The following SUMF1 variants were observed in gnomAD, a reference collection of about 807,000 sequenced individuals.
SUMF1 encodes formylglycine-generating enzyme.
SUMF1 carries 48 observed loss-of-function variants against 47.6 expected under a neutral mutation model. The observed-to-expected ratio is 1.01, with a 90% confidence interval of 0.80 to 1.28. The LOEUF is 1.28. SUMF1 is among the 50% of genes most tolerant of loss of function. The pLI, the probability that SUMF1 is intolerant of heterozygous loss-of-function variation, is 0.00. For synonymous variants in SUMF1, 230 were observed against 192.1 expected, an observed-to-expected ratio of 1.20 and a Z score of -1.63; for missense variants, 571 against 485.4, an observed-to-expected ratio of 1.18 and a Z score of -1.66.
chr3:4,303,253 C>G (rs960960935), intron 8 of SUMF1: 10 of 1,184,476 alleles, frequency 8.4e-6, no homozygotes, highest in South Asian at 1.8e-5. Flanking sequence ...CCAGGCCACT[C>G]CTGAGAAGAA....
intron 9 of SUMF1, among the ~76,000 whole-genome samples, chr3:4,051,426 C>T (rs543123298): frequency 1.4e-4 from 21 of 152,286 alleles, no homozygotes; most frequent in Admixed American, 3.9e-4. Flanking sequence ...TGCTCCTCTA[C>T]TGTCCACACT....
chr3:4,387,138 T>C (rs1046439078), intron 7 of SUMF1, among the ~76,000 whole-genome samples: 1 of 152,068 alleles, frequency 6.6e-6, no homozygotes, highest in African/African-American at 2.4e-5. Context: ...TCCCTTCTTT[T>C]CATTTTCTAA....
chr3:4,092,081 T>A (rs1006325054), intron 8 of SUMF1, among the ~76,000 whole-genome samples: 6 of 152,072 alleles, frequency 3.9e-5, no homozygotes, highest in African/African-American at 1.5e-4. Context: ...CTACTTGGCC[T>A]GATGTATTAT....
chr3:4,257,039 A>G (rs1194955397), intron 8 of SUMF1, among the ~76,000 whole-genome samples: 2 of 115,966 alleles, frequency 1.7e-5, no homozygotes, highest in Admixed American at 8.6e-5. Context: ...AGGCAGAAAA[A>G]GCCTTTGACA....
chr3:4,392,615 GTATA>G (rs58350223), intron 7 of SUMF1, among the ~76,000 whole-genome samples: 2,078 of 96,038 alleles, frequency 0.022, 21 homozygotes, highest in Middle Eastern at 0.05. Context: ...GTGTGTGTGT[GTATA>G]TATATATATA....
intron 8 of SUMF1, among the ~76,000 whole-genome samples, chr3:4,234,278 A>G (rs1664013270): frequency 6.6e-6 from 1 of 151,882 alleles, no homozygotes; most frequent in African/African-American, 2.4e-5. Context: ...ATAGAAATAA[A>G]TTCGCATGCA....
chr3:4,121,105 C>A (rs1323999441), intron 8 of SUMF1, among the ~76,000 whole-genome samples: 1 of 152,088 alleles, frequency 6.6e-6, no homozygotes, highest in African/African-American at 2.4e-5. Flanking sequence ...TGACCCTGGG[C>A]TAATCACATA....
At chr3:4,187,037 A>C (rs1213253987) in intron 8 of SUMF1, among the ~76,000 whole-genome samples, 1 of 152,160 alleles carries the variant, frequency 6.6e-6, no homozygotes, top group Non-Finnish European at 1.5e-5. Flanking sequence ...GGACTATACA[A>C]CTGGATGGTG....
At chr3:4,437,908 C>T (rs1218175493) in intron 3 of SUMF1, among the ~76,000 whole-genome samples, 1 of 151,892 alleles carries the variant, frequency 6.6e-6, no homozygotes, top group Non-Finnish European at 1.5e-5. Context: ...CACTGCGCTC[C>T]AGCCTGGGCA....
intron 8 of SUMF1, among the ~76,000 whole-genome samples, chr3:4,214,792 C>G (rs932675552): frequency 6.6e-6 from 1 of 151,986 alleles, no homozygotes; most frequent in African/African-American, 2.4e-5. Context: ...GCTAAAAAAC[C>G]TAGAAAAAAT....
Position 4,151,511 on chromosome 3 carries a change from G to GTATATATGTATATATGTGTATATA in SUMF1, c.1015-82767_1015-82766insTATATACACATATATACATATATA, listed in dbSNP as rs1369970097. Among the ~76,000 whole-genome samples, 394 of 142,892 alleles carry GTATATATGTATATATGTGTATATA rather than the reference G, an allele frequency of 2.8e-3. 13 individuals carry two copies. In the East Asian group the frequency reaches 0.032, roughly 12 times the overall value. The allele number at this position is 142,892 out of a possible 152,430, so 93.7% of individuals were successfully genotyped here. ...TATATATACGTATATATGTGTATAT[G>GTATATATGTATATATGTGTATATA]TATACGTATATATGTATATATGTGT... On this transcript the variant is annotated intron_variant and NMD_transcript_variant, in intron 8 of 12. Coordinates refer to the SUMF1 transcript ENST00000448413.
chr3:4,464,600 A>G (rs902473909), intron 1 of SUMF1, among the ~76,000 whole-genome samples: 6 of 152,026 alleles, frequency 3.9e-5, no homozygotes, highest in Admixed American at 2.0e-4. Context: ...CAAAGAGGGG[A>G]AAAAAGGCAG....
In SUMF1 at chr3:4,190,690, T is replaced by A. The variant is rs907564021; in HGVS notation, c.1015-121945A>T. Among the ~76,000 whole-genome samples the A allele has an allele frequency of 1.7e-4, 26 of 152,252 alleles. 1 individual carries two copies. Among genetic ancestry groups the A allele is most frequent in the African/African-American group, 6.3e-4 (26 of 41,544 alleles). On this transcript the variant is annotated intron_variant and NMD_transcript_variant, in intron 8 of 12. Transcript: ENST00000448413. ...AACTTTCCCAAGGTCACATAGACTATCATAGAGGACAAATTTAATTCAATA... is the reference window on the plus strand; with the variant it reads ...AACTTTCCCAAGGTCACATAGACTAACATAGAGGACAAATTTAATTCAATA...
At chr3:4,380,510 C>G (rs143745560) in intron 7 of SUMF1, among the ~76,000 whole-genome samples, 1 of 152,256 alleles carries the variant, frequency 6.6e-6, no homozygotes, top group Non-Finnish European at 1.5e-5. Flanking sequence ...ATTATCTACA[C>G]CAAACCCCCA....
intron 8 of SUMF1, among the ~76,000 whole-genome samples, chr3:4,152,503 G>C (rs1188430696): frequency 6.6e-6 from 1 of 150,486 alleles, no homozygotes; most frequent in East Asian, 1.9e-4. Flanking sequence ...ATAGTGTCCA[G>C]GCTGGTCTCA....
rs1050727297 is a variant in SUMF1 at position 4,181,421 on chromosome 3, C to A, written c.1015-112676G>T. Among the ~76,000 whole-genome samples, 9 of 152,122 alleles carry A rather than the reference C, an allele frequency of 5.9e-5. No individual in the cohort carries two copies. In the South Asian group the frequency reaches 1.9e-3, roughly 32 times the overall value. On this transcript the variant is annotated intron_variant and NMD_transcript_variant, in intron 8 of 12. Transcript: ENST00000448413. ...GAAAAACATTCTGAAGCTGAAGAAG[C>A]AATAGAAAAATATATCTTCTTGGGG...
chr3:4,408,778 C>T (rs920735348), intron 7 of SUMF1, among the ~76,000 whole-genome samples: 1 of 152,078 alleles, frequency 6.6e-6, no homozygotes, highest in African/African-American at 2.4e-5. Flanking sequence ...TGAGACCAGT[C>T]TGGCCAAAAT....
intron 8 of SUMF1, among the ~76,000 whole-genome samples, chr3:4,254,125 T>C (rs1414995095): frequency 1.3e-5 from 2 of 151,276 alleles, no homozygotes; most frequent in Admixed American, 1.3e-4. Context: ...ATCACCATCA[T>C]CAAAGACCAA....
At chr3:4,188,002 TG>T (rs1559549348) in intron 8 of SUMF1, among the ~76,000 whole-genome samples, 1 of 152,118 alleles carries the variant, frequency 6.6e-6, no homozygotes, top group African/African-American at 2.4e-5. Context: ...AGAGCACTTT[TG>T]GGTTCACAGC....
Sources: allele counts gnomAD v4.1 joint callset (sites outside exome capture counted in the v4.1 genomes callset), GRCh38; gene constraint gnomAD v4.1.1; transcripts MANE v1.5; gene names NCBI Gene and HGNC (gene_info 2026-07-23, HGNC 2026-07-21).